MCF2L2: variants seen among roughly 807,000 people sequenced by gnomAD.
MCF2L2 encodes probable guanine nucleotide exchange factor MCF2L2.
A neutral mutation model predicts 150.2 loss-of-function variants in MCF2L2; 102 were observed. The ratio of observed to expected loss-of-function variants is 0.68; its 90% CI spans 0.58 to 0.80. The LOEUF (loss-of-function observed/expected upper bound fraction) is 0.80. Among genes scored for constraint, MCF2L2 ranks in the 30% least tolerant of loss-of-function variants. MCF2L2 has a pLI of 0.00. For synonymous variants in MCF2L2, 465 were observed against 491.3 expected, an observed-to-expected ratio of 0.95 and a Z score of 0.71; for missense variants, 1,256 against 1,372.8, an observed-to-expected ratio of 0.91 and a Z score of 1.34.
chr3:183,410,195 C>G (rs1715252143), intron 1 of MCF2L2, among the ~76,000 whole-genome samples: 1 of 152,218 alleles, frequency 6.6e-6, no homozygotes, highest in Non-Finnish European at 1.5e-5. Context: ...TCAAGATCAG[C>G]TCAAGTCACA....
chr3:183,191,698 C>G (rs1215612832), intron 27 of MCF2L2, among the ~76,000 whole-genome samples: 1 of 152,130 alleles, frequency 6.6e-6, no homozygotes, highest in East Asian at 1.9e-4. Flanking sequence ...TTAGCAACCT[C>G]GGTGTGTGAT....
chr3:183,387,219 G>A (rs1215091932), intron 2 of MCF2L2, among the ~76,000 whole-genome samples: 1 of 150,736 alleles, frequency 6.6e-6, no homozygotes, highest in East Asian at 1.9e-4. Flanking sequence ...GAGCCAAGAC[G>A]GTGCCACTGC....
At position 183,317,671 on chromosome 3, in the gene MCF2L2, C is replaced by T. The variant is rs530285009; in HGVS notation, c.753+397G>A. On this transcript the variant is annotated intron_variant, in intron 7 of 29. Coordinates refer to ENST00000328913, the MANE Select transcript of MCF2L2 (RefSeq NM_015078.4). ...AAAGCTTATACTTCAAAAGCCAGCC[C>T]CTACCCCTGCAATTTCAGCACGTTC... Among the ~76,000 whole-genome samples, 36 of 152,236 alleles carry T rather than the reference C, an allele frequency of 2.4e-4. No individual in the cohort carries two copies. The South Asian group carries it at 7.5e-3, about 32-fold the overall frequency.
intron 15 of MCF2L2, among the ~76,000 whole-genome samples, chr3:183,246,974 T>A (rs1488758583): frequency 6.6e-6 from 1 of 152,230 alleles, no homozygotes; most frequent in Non-Finnish European, 1.5e-5. Context: ...CAAGAACTCC[T>A]CTAGGGCAGA....
At chr3:183,217,860 A>G (rs977402498) in intron 21 of MCF2L2, among the ~76,000 whole-genome samples, 3 of 152,204 alleles carry the variant, frequency 2.0e-5, no homozygotes, top group East Asian at 1.9e-4. Flanking sequence ...CAATGTTCCA[A>G]TTACAACCAC....
intron 2 of MCF2L2, among the ~76,000 whole-genome samples, chr3:183,383,787 A>C (rs1713672897): frequency 6.6e-6 from 1 of 152,202 alleles, no homozygotes; most frequent in Admixed American, 6.5e-5. Context: ...ATTTTTAAAA[A>C]TATGTGCATA....
intron 27 of MCF2L2, 43 bp downstream of exon 27, chr3:183,192,956 C>T (rs1164179721): frequency 1.4e-6 from 2 of 1,472,966 alleles, no homozygotes; most frequent in Non-Finnish European, 9.5e-7. Flanking sequence ...CTGGCATCAC[C>T]CCACTGCTTC....
chr3:183,425,269 C>G (rs1384855489), intron 1 of MCF2L2, among the ~76,000 whole-genome samples: 1 of 152,054 alleles, frequency 6.6e-6, no homozygotes, highest in Non-Finnish European at 1.5e-5. Flanking sequence ...ACTCAATTAC[C>G]AAGTCTAAGG....
At position 183,179,366 on chromosome 3, in the gene MCF2L2, C is replaced by A; in HGVS notation, c.*14G>T. 7.0e-7 allele frequency: 1 copy of A among 1,438,274 alleles called. No homozygotes were observed. The allele number at this position is 1,438,274 out of a possible 1,614,324, so 89.1% of individuals were successfully genotyped here. ...GCGCTCTGGAGCCGAGGAGCGGGGG[C>A]GTCCGCAGGGAGGTCAGCTCTCCTG... On this transcript the variant is annotated 3_prime_UTR_variant, in exon 30 of 30. Coordinates refer to ENST00000328913, the MANE Select transcript of MCF2L2 (RefSeq NM_015078.4). This position sits in a 1 kb window ranked among gnomAD's most constrained non-coding sequence, Gnocchi z 4.2.
At chr3:183,290,755 C>T (rs114443856) in intron 13 of MCF2L2, among the ~76,000 whole-genome samples, 3,040 of 152,220 alleles carry the variant, frequency 0.02, 59 homozygotes, top group East Asian at 0.052. Flanking sequence ...GATGGTCTTA[C>T]TCTCTTGACC....
chr3:183,378,134 A>C (rs977786133), intron 3 of MCF2L2: 2 of 152,260 alleles, frequency 1.3e-5, no homozygotes, highest in African/African-American at 4.8e-5. Flanking sequence ...GCAGCCTCTC[A>C]GTCACAAAGC....
chr3:183,347,366 A>C (rs1352358116), intron 3 of MCF2L2, among the ~76,000 whole-genome samples: 2 of 152,230 alleles, frequency 1.3e-5, no homozygotes, highest in African/African-American at 4.8e-5. Flanking sequence ...CAGAAAACTG[A>C]AACTGGACCC....
At chr3:183,194,953 A>AT (rs1007284661) in intron 26 of MCF2L2, among the ~76,000 whole-genome samples, 35 of 150,544 alleles carry the variant, frequency 2.3e-4, no homozygotes, top group South Asian at 1.7e-3. Flanking sequence ...TAATTTTTGT[A>AT]TTTTTTTTTG....
intron 1 of MCF2L2, among the ~76,000 whole-genome samples, chr3:183,390,386 A>G (rs1301893397): frequency 2.6e-5 from 4 of 152,282 alleles, no homozygotes; most frequent in Non-Finnish European, 5.9e-5. Context: ...TAACTGAATA[A>G]TAAGTTATAT....
intron 20 of MCF2L2, among the ~76,000 whole-genome samples, chr3:183,222,053 G>A (rs1723167991): frequency 6.6e-6 from 1 of 152,174 alleles, no homozygotes; most frequent in Non-Finnish European, 1.5e-5. Context: ...TTTTACAGAT[G>A]AGGTCTTGCT....
intron 21 of MCF2L2, among the ~76,000 whole-genome samples, chr3:183,216,577 T>TA (rs1722944676): frequency 2.6e-4 from 1 of 3,882 alleles, no homozygotes; most frequent in African/African-American, 7.4e-4. Context: ...TATATATATA[T>TA]ATATTTTTTT....
At chr3:183,214,110 T>C (rs1441216901) in intron 22 of MCF2L2, among the ~76,000 whole-genome samples, 2 of 152,202 alleles carry the variant, frequency 1.3e-5, no homozygotes, top group Non-Finnish European at 2.9e-5. Flanking sequence ...CCTCCTCCTA[T>C]GTTATTTACA....
At chr3:183,312,041 T>C (rs1392213601) in intron 7 of MCF2L2, among the ~76,000 whole-genome samples, 2 of 152,236 alleles carry the variant, frequency 1.3e-5, no homozygotes, top group African/African-American at 4.8e-5. Context: ...TATCTCAAGC[T>C]ATTGTTGTAA....
chr3:183,202,800 A>G (rs186771465), intron 25 of MCF2L2, among the ~76,000 whole-genome samples: 1 of 152,390 alleles, frequency 6.6e-6, no homozygotes, highest in Admixed American at 6.5e-5. Context: ...TCCAATTTCC[A>G]GAGTTGCTAC....
Sources: allele counts gnomAD v4.1 joint callset (sites outside exome capture counted in the v4.1 genomes callset), GRCh38; gene constraint gnomAD v4.1.1; non-coding constraint Gnocchi (gnomAD v3.1); transcripts MANE v1.5; gene names NCBI Gene and HGNC (gene_info 2026-07-23, HGNC 2026-07-21).